Variants in GRIA4 observed in about 807,000 individuals in gnomAD.
The protein encoded by GRIA4 is glutamate ionotropic receptor AMPA type subunit 4, also known as glutamate receptor 4.
In GRIA4, 34 loss-of-function variants were observed where a neutral mutation model predicts 104.0. The observed-to-expected ratio is 0.33, with a 90% CI of 0.25 to 0.44. The LOEUF (loss-of-function observed/expected upper bound fraction) is 0.44, where lower values mean the gene tolerates loss of function less well. Among genes scored for constraint, GRIA4 ranks in the 20% least tolerant of loss-of-function variants. The pLI is 1.00. For missense variants in GRIA4, 750 were observed against 1,096.5 expected, an observed-to-expected ratio of 0.68 and a Z score of 4.46; for synonymous variants, 386 against 381.9, an observed-to-expected ratio of 1.01 and a Z score of -0.13.
At chr11:105,845,550 C>T (rs1183731169) in intron 4 of GRIA4, among the ~76,000 whole-genome samples, 3 of 152,138 alleles carry the variant, frequency 2.0e-5, no homozygotes, top group Non-Finnish European at 2.9e-5. Flanking sequence ...CCTAGATTTG[C>T]TAATCCTGTT....
At chr11:105,790,066 C>T (rs1942148589) in intron 4 of GRIA4, among the ~76,000 whole-genome samples, 1 of 152,180 alleles carries the variant, frequency 6.6e-6, no homozygotes, top group Admixed American at 6.5e-5. Context: ...CTATCACTCT[C>T]ACACAGCTAT....
At chr11:105,974,664 T>C (rs369171888) in intron 16 of GRIA4, 2 of 1,173,174 alleles carry the variant, frequency 1.7e-6, no homozygotes, top group Non-Finnish European at 2.4e-6. Flanking sequence ...TAGAGCTTTA[T>C]ATTTTTGAAA....
intron 14 of GRIA4, among the ~76,000 whole-genome samples, chr11:105,936,545 A>G (rs188364735): frequency 2.0e-4 from 31 of 152,328 alleles, no homozygotes; most frequent in African/African-American, 6.7e-4. Context: ...GAAAACAGTA[A>G]TCTGTCCTTC....
chr11:105,813,065 G>C (rs920406871), intron 4 of GRIA4, among the ~76,000 whole-genome samples: 2 of 129,474 alleles, frequency 1.5e-5, no homozygotes, highest in Non-Finnish European at 3.1e-5. Flanking sequence ...CTGCACTCCA[G>C]CCTGGGCAAC....
intron 15 of GRIA4, among the ~76,000 whole-genome samples, chr11:105,972,468 G>C (rs1476651274): frequency 2.2e-4 from 33 of 152,208 alleles, no homozygotes; most frequent in East Asian, 3.9e-4. Context: ...CAGAGGTTCA[G>C]TCTTTTGTCA....
intron 3 of GRIA4, among the ~76,000 whole-genome samples, chr11:105,737,642 C>T (rs1939038595): frequency 6.6e-6 from 1 of 152,138 alleles, no homozygotes; most frequent in Admixed American, 6.6e-5. Flanking sequence ...TTAAGACCTA[C>T]TCCTGTTTCC....
intron 10 of GRIA4, among the ~76,000 whole-genome samples, chr11:105,914,995 A>G (rs1221903112): frequency 6.6e-6 from 1 of 152,166 alleles, no homozygotes; most frequent in Non-Finnish European, 1.5e-5. Context: ...AGCTACTTGC[A>G]GACAACTTGC....
At chr11:105,649,285 T>C (rs2135377563) in intron 3 of GRIA4, among the ~76,000 whole-genome samples, 1 of 152,282 alleles carries the variant, frequency 6.6e-6, no homozygotes, top group African/African-American at 2.4e-5. Flanking sequence ...GACAATTAAT[T>C]ATTTTGTTTA....
chr11:105,910,300 T>A (rs933619310), intron 9 of GRIA4, 135 bp from the exon 10 acceptor site: 38 of 606,756 alleles, frequency 6.3e-5, no homozygotes, highest in Non-Finnish European at 1.0e-4. Context: ...AACACTTTTT[T>A]TTTTTCTGTT....
chr11:105,821,237 G>A (rs1050621752), intron 4 of GRIA4, among the ~76,000 whole-genome samples: 2 of 152,046 alleles, frequency 1.3e-5, no homozygotes, highest in Non-Finnish European at 2.9e-5. Flanking sequence ...GAAAACAAAG[G>A]AAAATCAAAA....
chr11:105,650,376 G>A (rs1951651637), intron 3 of GRIA4, among the ~76,000 whole-genome samples: 1 of 151,946 alleles, frequency 6.6e-6, no homozygotes, highest in Non-Finnish European at 1.5e-5. Context: ...GGAATTCCCA[G>A]TATCTACCTT....
chr11:105,623,377 A>G (rs976738997), intron 3 of GRIA4, among the ~76,000 whole-genome samples: 5 of 151,866 alleles, frequency 3.3e-5, no homozygotes, highest in Non-Finnish European at 5.9e-5. Flanking sequence ...TCTACTTAAC[A>G]TATTTGAGCC....
At chr11:105,927,769 CAGAT>C (rs71950152) in intron 13 of GRIA4, among the ~76,000 whole-genome samples, 9,996 of 151,806 alleles carry the variant, frequency 0.066, 851 homozygotes, top group African/African-American at 0.2. Context: ...TGTCTGATAA[CAGAT>C]AGGCATTCAT....
intron 9 of GRIA4, among the ~76,000 whole-genome samples, chr11:105,906,464 G>T (rs997854642): frequency 2.6e-5 from 4 of 152,158 alleles, no homozygotes; most frequent in African/African-American, 9.7e-5. Context: ...AACAACCGAA[G>T]AAAGGCTTGG....
intron 3 of GRIA4, among the ~76,000 whole-genome samples, chr11:105,629,216 A>G (rs1311771283): frequency 6.6e-6 from 1 of 151,802 alleles, no homozygotes; most frequent in African/African-American, 2.4e-5. Flanking sequence ...CTGGGTGACA[A>G]AGTAAGACAC....
Position 105,888,271 on chromosome 11 carries a change from C to CTTTTTTTTTTT in GRIA4, c.726+719_726+729dup, listed in dbSNP as rs71469040. On this transcript the variant is annotated intron_variant, in intron 6 of 16. Coordinates refer to ENST00000282499, the MANE Select transcript of GRIA4 (RefSeq NM_000829.4). ...TTGGAGAAGTTAAGGATGTTTTCTC[C>CTTTTTTTTTTT]TTTTTTTTTTTTTTTTTTTTTTTTT... Among the ~76,000 whole-genome samples the CTTTTTTTTTTT allele has an allele frequency of 2.3e-3, 126 of 54,574 alleles. 23 individuals are homozygous for CTTTTTTTTTTT. Among genetic ancestry groups the CTTTTTTTTTTT allele is most frequent in the African/African-American group, 6.1e-3 (76 of 12,524 alleles). 35.8% of individuals were successfully genotyped at this position (54,574 alleles called of 152,430 possible). A position where few individuals can be genotyped will look rare whatever the true frequency, so the allele number is the denominator to read the frequency against.
intron 9 of GRIA4, among the ~76,000 whole-genome samples, chr11:105,906,515 C>T (rs953857330): frequency 1.3e-5 from 2 of 152,132 alleles, no homozygotes; most frequent in African/African-American, 4.8e-5. Context: ...TGGAAAATGG[C>T]AAAGGCTTTC....
chr11:105,656,110 G>T (rs554840635), intron 3 of GRIA4, among the ~76,000 whole-genome samples: 1 of 152,090 alleles, frequency 6.6e-6, no homozygotes, highest in Admixed American at 6.5e-5. Context: ...TTCATATATT[G>T]GTTGGTGGCA....
intron 14 of GRIA4, among the ~76,000 whole-genome samples, chr11:105,937,599 C>T (rs550396679): frequency 6.6e-5 from 10 of 152,098 alleles, no homozygotes; most frequent in East Asian, 5.8e-4. Flanking sequence ...CTTCCTCTGG[C>T]GCTTAGAATG....
Sources: allele counts gnomAD v4.1 joint callset (sites outside exome capture counted in the v4.1 genomes callset), GRCh38; gene constraint gnomAD v4.1.1; transcripts MANE v1.5; gene names NCBI Gene and HGNC (gene_info 2026-07-23, HGNC 2026-07-21).